Variants in MARK1 observed in about 807,000 individuals in gnomAD.
The protein encoded by MARK1 is microtubule affinity regulating kinase 1.
In MARK1, 40 loss-of-function variants were observed where a neutral mutation model predicts 96.3. That is an observed-to-expected ratio of 0.42 (90% CI 0.32 to 0.54). The LOEUF (loss-of-function observed/expected upper bound fraction) is 0.54. Ranked by LOEUF, MARK1 falls within the 20% of genes least tolerant of loss-of-function variation. The probability of loss-of-function intolerance (pLI) is 0.16; values close to 1 mark genes in which losing one functional copy is unlikely to be tolerated. For synonymous variants in MARK1, 317 were observed against 341.2 expected (o/e 0.93, Z 0.78); for missense variants, 719 against 984.6 (o/e 0.73, Z 3.61).
chr1:220,591,671 A>G (rs1664989413), intron 3 of MARK1, among the ~76,000 whole-genome samples: 1 of 152,216 alleles, frequency 6.6e-6, no homozygotes, highest in Non-Finnish European at 1.5e-5. Context: ...TTATATAAAC[A>G]TTTAACACTT....
At chr1:220,605,519 C>A (rs1456672058) in intron 6 of MARK1, among the ~76,000 whole-genome samples, 1 of 149,502 alleles carries the variant, frequency 6.7e-6, no homozygotes, top group Admixed American at 6.6e-5. Flanking sequence ...TATTTTTCTT[C>A]CTTTTTTAAA....
rs73093540 is a variant in MARK1, at chr1:220,578,022, C to T, written c.52-1332C>T. Among the ~76,000 whole-genome samples the T allele has an allele frequency of 5.0e-3, 756 of 152,200 alleles. 5 individuals are homozygous for T. Among genetic ancestry groups the T allele is most frequent in the Non-Finnish European group, 7.9e-3 (540 of 68,006 alleles). On this transcript the variant is annotated intron_variant, in intron 1 of 17. Coordinates refer to ENST00000366917, the MANE Select transcript of MARK1 (RefSeq NM_018650.5). ...AAAAATGACTTTGAATCATGCTTTG[C>T]GTGAGATTGGTAAATGGATTCCTCT...
intron 1 of MARK1, among the ~76,000 whole-genome samples, chr1:220,557,948 G>A (rs1662396412): frequency 6.6e-6 from 1 of 151,884 alleles, no homozygotes; most frequent in South Asian, 2.1e-4. Flanking sequence ...TGGGCAACAT[G>A]GTGAAACCCA....
intron 1 of MARK1, among the ~76,000 whole-genome samples, chr1:220,552,224 C>A (rs1227413531): frequency 6.6e-6 from 1 of 152,122 alleles, no homozygotes; most frequent in Admixed American, 6.5e-5. Flanking sequence ...CATTTTCTCC[C>A]TAGGCACTAA....
intron 13 of MARK1, 61 bp downstream of exon 13, chr1:220,636,087 A>G: frequency 1.7e-6 from 2 of 1,204,662 alleles, no homozygotes; most frequent in Non-Finnish European, 2.2e-6. Context: ...GGTTATGTGT[A>G]AAATTTTTAT....
chr1:220,613,885 C>G (rs1666593203), intron 6 of MARK1, among the ~76,000 whole-genome samples: 1 of 152,132 alleles, frequency 6.6e-6, no homozygotes, highest in African/African-American at 2.4e-5. Context: ...TTTGACCAAC[C>G]TATTTGTCAA....
intron 6 of MARK1, among the ~76,000 whole-genome samples, chr1:220,611,515 A>G (rs756877708): frequency 6.6e-6 from 1 of 151,754 alleles, no homozygotes; most frequent in Non-Finnish European, 1.5e-5. Flanking sequence ...AAATACCCCA[A>G]CCCCTCGTGC....
At chr1:220,661,597 A>G (rs1193767924) in intron 17 of MARK1, among the ~76,000 whole-genome samples, 4 of 152,166 alleles carry the variant, frequency 2.6e-5, no homozygotes, top group Admixed American at 1.3e-4. Context: ...GCTATTTTAG[A>G]TTGACAATAT....
In MARK1 at chr1:220,640,722, G is replaced by A. The variant is rs374878636; in HGVS notation, c.1470+4696G>A. The stretch of plus-strand genomic sequence containing the variant: ...GAGGGCATTATTGCTGCATCATCCC[G>A]TGGCATAAAGTGAGGTCAAGAGGGC... On this transcript the variant is annotated intron_variant, in intron 13 of 17. Coordinates refer to ENST00000366917, the MANE Select transcript of MARK1 (RefSeq NM_018650.5). Among the ~76,000 whole-genome samples the A allele has an allele frequency of 2.0e-4, 30 of 152,256 alleles. 1 individual carries two copies. The South Asian group carries it at 5.6e-3, about 28-fold the overall frequency.
intron 1 of MARK1, among the ~76,000 whole-genome samples, chr1:220,574,736 C>G (rs1209847943): frequency 6.6e-6 from 1 of 152,078 alleles, no homozygotes. Context: ...TAGTTACAAA[C>G]TATTCTTTGT....
chr1:220,562,167 A>G (rs1662711600), intron 1 of MARK1, among the ~76,000 whole-genome samples: 1 of 152,114 alleles, frequency 6.6e-6, no homozygotes. Flanking sequence ...TGATACTATT[A>G]CTATTAACAA....
Position 220,581,670 on chromosome 1 carries a change from C to T in MARK1, c.309+552C>T, listed in dbSNP as rs567600204. Among the ~76,000 whole-genome samples the T allele has an allele frequency of 4.6e-5, 7 of 152,210 alleles. No homozygotes were observed. The East Asian group carries it at 1.4e-3, about 29-fold the overall frequency. On this transcript the variant is annotated intron_variant, in intron 3 of 17. Coordinates refer to ENST00000366917, the MANE Select transcript of MARK1 (RefSeq NM_018650.5). ...TTTTATTGCTTCATTTGCTCTTCTT[C>T]CTTCTTCCACAAGAACTACTAGTCT...
At chr1:220,601,864 A>T (rs1415907254) in intron 5 of MARK1, among the ~76,000 whole-genome samples, 1 of 152,156 alleles carries the variant, frequency 6.6e-6, no homozygotes, top group Non-Finnish European at 1.5e-5. Context: ...AGTGGGGAGT[A>T]GTGTAGAGAA....
chr1:220,600,275 C>G (rs1665652242), intron 5 of MARK1, among the ~76,000 whole-genome samples: 1 of 152,124 alleles, frequency 6.6e-6, no homozygotes, highest in African/African-American at 2.4e-5. Context: ...TGATTGTTCA[C>G]ATATGACAGA....
intron 6 of MARK1, among the ~76,000 whole-genome samples, chr1:220,613,376 G>C (rs1168248905): frequency 6.6e-6 from 1 of 152,156 alleles, no homozygotes; most frequent in African/African-American, 2.4e-5. Context: ...AATTATCTTT[G>C]CATTCTTGAT....
At chr1:220,639,347 G>C (rs1390460345) in intron 13 of MARK1, among the ~76,000 whole-genome samples, 1 of 152,100 alleles carries the variant, frequency 6.6e-6, no homozygotes, top group Non-Finnish European at 1.5e-5. Context: ...TTATAAAAAT[G>C]AGATCATACT....
chr1:220,608,613 T>C (rs1394673801), intron 6 of MARK1, among the ~76,000 whole-genome samples: 2 of 152,204 alleles, frequency 1.3e-5, no homozygotes, highest in African/African-American at 2.4e-5. Flanking sequence ...TGAAAGTGTT[T>C]CCTCTTGCTT....
At chr1:220,587,660 G>T (rs143156403) in intron 3 of MARK1, among the ~76,000 whole-genome samples, 1 of 151,970 alleles carries the variant, frequency 6.6e-6, no homozygotes, top group African/African-American at 2.4e-5. Flanking sequence ...ATGAGCCACC[G>T]TGCCCAGCCT....
rs377619491 is a variant in MARK1 at position 220,662,200 on chromosome 1, A to G, written c.*34A>G. ...AAATTTACAGGTTCAGGGAAGATAC[A>G]TACATATATGAGGTACAGTTTTTGA... On this transcript the variant is annotated 3_prime_UTR_variant, in exon 18 of 18. Transcript: ENST00000366917. The G allele has an allele frequency of 1.8e-5, 27 of 1,502,136 alleles. No homozygotes were observed. The East Asian group carries it at 2.3e-4, about 13-fold the overall frequency. 93.1% of individuals were successfully genotyped at this position (1,502,136 alleles called of 1,614,324 possible).
Sources: allele counts gnomAD v4.1 joint callset (sites outside exome capture counted in the v4.1 genomes callset), GRCh38; gene constraint gnomAD v4.1.1; transcripts MANE v1.5; gene names NCBI Gene and HGNC (gene_info 2026-07-23, HGNC 2026-07-21).